PRKCH: variants seen among roughly 807,000 people sequenced by gnomAD.
The protein encoded by PRKCH is protein kinase C eta type.
A neutral mutation model predicts 82.5 loss-of-function variants in PRKCH; 28 were observed. That is an observed-to-expected ratio of 0.34 (90% CI 0.25 to 0.47). The LOEUF (loss-of-function observed/expected upper bound fraction) is 0.47. PRKCH is among the 20% of genes least tolerant of loss of function. PRKCH has a pLI of 1.00. For synonymous variants in PRKCH, 322 were observed against 327.4 expected (o/e 0.98, Z 0.18); for missense variants, 705 against 881.8 (o/e 0.80, Z 2.54).
chr14:61,214,290 G>A (rs984326610), intron 1 of PRKCH, among the ~76,000 whole-genome samples: 14 of 152,178 alleles, frequency 9.2e-5, no homozygotes, highest in African/African-American at 2.9e-4. Context: ...TAGGTGGGGA[G>A]GGAGTGGGAG....
At chr14:61,392,513 A>G (rs1290833086) in intron 2 of PRKCH, among the ~76,000 whole-genome samples, 1 of 152,168 alleles carries the variant, frequency 6.6e-6, no homozygotes, top group Non-Finnish European at 1.5e-5. Context: ...GTACTTTCTC[A>G]CATGCTTATT....
intron 1 of PRKCH, among the ~76,000 whole-genome samples, chr14:61,283,539 A>AT (rs199886433): frequency 0.022 from 3,350 of 152,064 alleles, 47 homozygotes; most frequent in Non-Finnish European, 0.034. Context: ...TTTTATTTTT[A>AT]TTTTTATTTT....
chr14:61,456,257 C>G (rs1370546256), intron 7 of PRKCH, among the ~76,000 whole-genome samples: 1 of 152,178 alleles, frequency 6.6e-6, no homozygotes, highest in African/African-American at 2.4e-5. Flanking sequence ...CTTAGGTTAG[C>G]TTGCAGAGCT....
intron 1 of PRKCH, among the ~76,000 whole-genome samples, chr14:61,335,975 A>T (rs985887564): frequency 6.6e-6 from 1 of 152,212 alleles, no homozygotes; most frequent in Admixed American, 6.5e-5. Context: ...ATTAGCAGGG[A>T]TAATTTAACC....
intron 10 of PRKCH, among the ~76,000 whole-genome samples, chr14:61,524,341 A>G (rs946607521): frequency 2.9e-4 from 44 of 152,248 alleles, no homozygotes; most frequent in Admixed American, 6.5e-5. Flanking sequence ...ACAAGCACAG[A>G]GGATAGAATA....
At chr14:61,285,052 A>G (rs2045302481) in intron 1 of PRKCH, among the ~76,000 whole-genome samples, 1 of 152,192 alleles carries the variant, frequency 6.6e-6, no homozygotes, top group African/African-American at 2.4e-5. Context: ...ATTCCAAAGT[A>G]TATGATAGTG....
intron 2 of PRKCH, among the ~76,000 whole-genome samples, chr14:61,442,362 T>C (rs541855553): frequency 6.6e-6 from 1 of 152,288 alleles, no homozygotes; most frequent in South Asian, 2.1e-4. Flanking sequence ...CCAATGGGTT[T>C]TGGACAGAGC....
At chr14:61,527,673 C>A (rs937424078) in intron 10 of PRKCH, among the ~76,000 whole-genome samples, 1 of 152,154 alleles carries the variant, frequency 6.6e-6, no homozygotes, top group East Asian at 1.9e-4. Flanking sequence ...AAAATTCCTT[C>A]GTGTGACATT....
intron 1 of PRKCH, among the ~76,000 whole-genome samples, chr14:61,272,769 C>T (rs568437515): frequency 1.3e-5 from 2 of 152,312 alleles, no homozygotes; most frequent in East Asian, 3.9e-4. Flanking sequence ...AGAATGCTGG[C>T]AGTAACAAAA....
intron 1 of PRKCH, among the ~76,000 whole-genome samples, chr14:61,364,824 G>A (rs764633138): frequency 7.2e-5 from 11 of 152,014 alleles, no homozygotes; most frequent in Admixed American, 5.2e-4. Flanking sequence ...CGGGCAACAG[G>A]GTGAGACCCT....
intron 1 of PRKCH, among the ~76,000 whole-genome samples, chr14:61,263,043 G>A (rs2045064362): frequency 6.6e-6 from 1 of 152,082 alleles, no homozygotes; most frequent in South Asian, 2.1e-4. Flanking sequence ...TTTGTAGCTA[G>A]TTTGCTAGTT....
intron 1 of PRKCH, among the ~76,000 whole-genome samples, chr14:61,244,897 AT>A (rs2044867407): frequency 6.6e-6 from 1 of 152,222 alleles, no homozygotes; most frequent in Non-Finnish European, 1.5e-5. Context: ...GCTTATGGTT[AT>A]CCTAATAAAA....
intron 1 of PRKCH, among the ~76,000 whole-genome samples, chr14:61,210,790 C>CTCTCTCTGTG (rs1351869252): frequency 1.1e-3 from 153 of 139,046 alleles, no homozygotes; most frequent in Non-Finnish European, 2.0e-3. Flanking sequence ...CTCTCTCTCT[C>CTCTCTCTGTG]TGTGTGTGTG....
chr14:61,514,783 G>A (rs2042799287), intron 10 of PRKCH, among the ~76,000 whole-genome samples: 2 of 152,226 alleles, frequency 1.3e-5, no homozygotes, highest in East Asian at 1.9e-4. Flanking sequence ...TAGAAACGAA[G>A]GCAATGAGTC....
At chr14:61,212,325 C>A (rs35610231) in intron 1 of PRKCH, among the ~76,000 whole-genome samples, 97,569 of 152,050 alleles carry the variant, frequency 0.64, 31,836 homozygotes, top group East Asian at 0.8. Flanking sequence ...TGTTGCAGAG[C>A]GGTTGTAACT....
intron 12 of PRKCH, among the ~76,000 whole-genome samples, chr14:61,546,412 C>T (rs1277943109): frequency 2.0e-5 from 3 of 152,200 alleles, no homozygotes; most frequent in Non-Finnish European, 2.9e-5. Context: ...AGCGATTAAA[C>T]CCTGTCAGTA....
intron 1 of PRKCH, among the ~76,000 whole-genome samples, chr14:61,371,529 G>A (rs968436506): frequency 6.6e-6 from 1 of 151,880 alleles, no homozygotes; most frequent in African/African-American, 2.4e-5. Flanking sequence ...CTTCAAATTG[G>A]GTTTGTCTAA....
upstream of PRKCH, among the ~76,000 whole-genome samples, chr14:61,319,243 T>C (rs2045588116): frequency 6.6e-6 from 1 of 152,206 alleles, no homozygotes; most frequent in African/African-American, 2.4e-5. Context: ...ATCTGTCTCC[T>C]CAGGAGCTCT....
chr14:61,253,495 A>G (rs1034297062), intron 1 of PRKCH, among the ~76,000 whole-genome samples: 9 of 149,506 alleles, frequency 6.0e-5, no homozygotes, highest in Admixed American at 4.7e-4. Flanking sequence ...TATTTTCAGA[A>G]TCCTTAGGTC....
Sources: allele counts gnomAD v4.1 joint callset (sites outside exome capture counted in the v4.1 genomes callset), GRCh38; gene constraint gnomAD v4.1.1; transcripts MANE v1.5; gene names NCBI Gene and HGNC (gene_info 2026-07-23, HGNC 2026-07-21).